Variants in CC2D1B observed in about 807,000 individuals in gnomAD.
The protein encoded by CC2D1B is coiled-coil and C2 domain-containing protein 1B.
CC2D1B carries 92 observed loss-of-function variants against 110.8 expected under a neutral mutation model. The observed-to-expected ratio is 0.83, with a 90% CI of 0.70 to 0.99. The LOEUF (loss-of-function observed/expected upper bound fraction) is 0.99, where lower values mean the gene tolerates loss of function less well. Among genes scored for constraint, CC2D1B ranks in the 50% least tolerant of loss-of-function variants. The pLI is 0.00. For missense variants in CC2D1B, 1,136 were observed against 1,089.0 expected, an observed-to-expected ratio of 1.04 and a Z score of -0.61; for synonymous variants, 406 against 429.2, an observed-to-expected ratio of 0.95 and a Z score of 0.67.
intron 4 of CC2D1B, 101 bp from the exon 5 acceptor site, chr1:52,361,233 AC>A (rs1646776328): frequency 1.4e-6 from 2 of 1,419,950 alleles, no homozygotes; most frequent in East Asian, 4.6e-5. Flanking sequence ...ATATTCCCTA[AC>A]GTCAGTCACT....
At chr1:52,356,780 C>G in intron 16 of CC2D1B, 1 of 603,616 alleles carries the variant, frequency 1.7e-6, no homozygotes, top group Non-Finnish European at 2.9e-6. Flanking sequence ...TTCTTTCCCT[C>G]TTCTCTGTTG....
At chr1:52,358,587 A>G (rs1569849809) in intron 12 of CC2D1B, 99 bp downstream of exon 12, 1 of 1,567,158 alleles carries the variant, frequency 6.4e-7, no homozygotes, top group Non-Finnish European at 8.8e-7. Flanking sequence ...CACAGAGGGG[A>G]GGCAGACGCA....
rs953203841 is a variant in CC2D1B, at chr1:52,352,391, T to A, written c.*834A>T. 6.5e-6 allele frequency: 1 copy of A among 152,680 alleles called. No homozygotes were observed. The highest frequency in any genetic ancestry group is 1.5e-5 in the Non-Finnish European group (1 of 68,046). The allele number at this position is 152,680 out of a possible 1,614,324, so 9.5% of individuals were successfully genotyped here. ...TCAAGAGGAAGCCACAGCAGCCGTT[T>A]GTCATGTTACTGCTACCCTGGCTTT... On this transcript the variant is annotated 3_prime_UTR_variant, in exon 25 of 25. Coordinates refer to ENST00000284376, the MANE Select transcript of CC2D1B (RefSeq NM_001330585.2).
intron 2 of CC2D1B, 55 bp from the exon 3 acceptor site, chr1:52,362,801 C>A: frequency 6.3e-7 from 1 of 1,586,548 alleles, no homozygotes; most frequent in Non-Finnish European, 8.6e-7. Flanking sequence ...TAGGGTCCAG[C>A]TCCAGAGCCA....
In CC2D1B at chr1:52,356,268, G is replaced by A; in HGVS notation, c.1972C>T (p.Leu658=). 2 of 1,614,230 alleles carry A rather than the reference G, an allele frequency of 1.2e-6. No individual in the cohort carries two copies. Among genetic ancestry groups the A allele is most frequent in the South Asian group, 2.2e-5 (2 of 91,086 alleles). The change falls in exon 18 of 25, where the codon CTG becomes TTG. Residue 658 remains leucine (L), a synonymous_variant. Transcript: ENST00000284376. The part of the protein sequence containing the change: ...EKLAQDRKKQ[L]EILQLAQAQG... ...GCCTGGGCCAGCTGCAGGATCTCCAGCTGTTTCTTGCGGTCCTGAGCAAGC... is the reference window on the plus strand; with the variant it reads ...GCCTGGGCCAGCTGCAGGATCTCCAACTGTTTCTTGCGGTCCTGAGCAAGC...
chr1:52,362,582 A>T lies in CC2D1B; in HGVS notation c.214+20T>A. The T allele has an allele frequency of 6.2e-7, 1 of 1,614,072 alleles. No homozygotes were observed. The highest frequency in any genetic ancestry group is 2.2e-5 in the East Asian group (1 of 44,880). ...CCCATCTTGTCCCAGCACCAAGACC[A>T]GCCCTGTGTCCAAACTCACCCTGCC... On this transcript the variant is annotated intron_variant, in intron 3 of 24. Transcript: ENST00000284376.
chr1:52,359,322 C>G lies in CC2D1B; in HGVS notation c.1054G>C (p.Ala352Pro). 1 of 1,613,374 alleles carries G rather than the reference C, an allele frequency of 6.2e-7. No individual in the cohort carries two copies. The highest frequency in any genetic ancestry group is 8.5e-7 in the Non-Finnish European group (1 of 1,179,830). The change falls in exon 10 of 25, where the codon GCA (alanine) becomes CCA (proline). Residue 352 changes from alanine (A) to proline (P), a missense_variant. By Grantham distance (27) the Ala-to-Pro change is conservative (BLOSUM62 -1). Transcript: ENST00000284376. ...KPQQASQAPT[A>P]PSVIPPAVER... ...ACGGCTGGGGGAATGACTGAGGGTG[C>G]TGTGGGAGCCTGAGAAGCCTGCTGG... is the stretch of plus-strand genomic sequence containing the variant.
chr1:52,357,855 C>T lies in CC2D1B; in HGVS notation c.1505G>A (p.Arg502Gln), dbSNP rs777052462. The T allele has an allele frequency of 2.5e-5, 39 of 1,586,610 alleles. 1 individual carries two copies. The highest frequency in any genetic ancestry group is 3.4e-4 in the Middle Eastern group (2 of 5,868). ...AQAPVAKKPARPTVPSSQRLP... is the reference protein window; with the variant it reads ...AQAPVAKKPAQPTVPSSQRLP... ...GCGCTGGGATGAAGGGACTGTGGGC[C>T]GTGCAGGTTTCTTGGCCACTGGGGC... Residue 502 changes from arginine to glutamine, a missense_variant, in exon 14 of 25, where the codon CGG becomes CAG. Physicochemically the swap from Arg to Gln is conservative, Grantham distance 43 (BLOSUM62 1). Coordinates refer to ENST00000284376, the MANE Select transcript of CC2D1B (RefSeq NM_001330585.2).
At chr1:52,361,235 G>C in intron 4 of CC2D1B, 103 bp from the exon 5 acceptor site, 1 of 1,395,470 alleles carries the variant, frequency 7.2e-7, no homozygotes, top group Non-Finnish European at 9.9e-7. Context: ...ATTCCCTAAC[G>C]TCAGTCACTG....
At chr1:52,363,279 C>T (rs1646820495) in intron 2 of CC2D1B, among the ~76,000 whole-genome samples, 1 of 151,784 alleles carries the variant, frequency 6.6e-6, no homozygotes, top group South Asian at 2.1e-4. Context: ...CCTGTAGTCC[C>T]AGCTACTCGG....
At position 52,352,440 on chromosome 1, in the gene CC2D1B, TTTAGA is replaced by T. The variant is rs1338537342; in HGVS notation, c.*780_*784del. 9.8e-5 allele frequency: 15 copies of T among 152,760 alleles called. No individual in the cohort carries two copies. Among genetic ancestry groups the T allele is most frequent in the South Asian group, 4.1e-4 (2 of 4,826 alleles). 9.5% of individuals were successfully genotyped at this position (152,760 alleles called of 1,614,324 possible). A position where few individuals can be genotyped will look rare whatever the true frequency, so the allele number is the denominator to read the frequency against. On this transcript the variant is annotated 3_prime_UTR_variant, in exon 25 of 25. Coordinates refer to ENST00000284376, the MANE Select transcript of CC2D1B (RefSeq NM_001330585.2). ...TTTAAAAAGTGACAGGGAGCAGGAC[TTTAGA>T]TTAGGACTTTGGTGGATACTCTGTA...
At chr1:52,360,318 C>G in intron 6 of CC2D1B, 85 bp from the exon 7 acceptor site, 1 of 1,594,776 alleles carries the variant, frequency 6.3e-7, no homozygotes, top group South Asian at 1.1e-5. Context: ...GGCCCCCCAA[C>G]CCCCAAAGTC....
chr1:52,353,966 T>G, intron 23 of CC2D1B: 1 of 290,618 alleles, frequency 3.4e-6, no homozygotes, highest in Non-Finnish European at 6.5e-6. Flanking sequence ...ACCCAAACCC[T>G]CACTTCACAG....
At chr1:52,358,928 G>T in intron 11 of CC2D1B, 99 bp downstream of exon 11, 2 of 1,530,734 alleles carry the variant, frequency 1.3e-6, no homozygotes, top group Non-Finnish European at 1.8e-6. Context: ...ACAGATGATG[G>T]TTCAGAAAAG....
chr1:52,361,540 TTCCTCCTCC>T lies in CC2D1B; in HGVS notation c.282_290del (p.Glu95_Glu97del). On this transcript the variant is annotated inframe_deletion, in exon 4 of 25. Transcript: ENST00000284376. The stretch of plus-strand genomic sequence containing the variant: ...GCAGCTCTGCATCTTCCTCCAGCCC[TTCCTCCTCC>T]TCCTCCTCCTCCACATCCCGCATAC... The T allele has an allele frequency of 1.2e-6, 2 of 1,608,886 alleles. No homozygotes were observed. The highest frequency in any genetic ancestry group is 1.7e-5 in the Admixed American group (1 of 59,750).
At chr1:52,360,638 G>A (rs1207290786) in intron 5 of CC2D1B, 89 bp from the exon 6 acceptor site, 4 of 1,517,904 alleles carry the variant, frequency 2.6e-6, no homozygotes, top group African/African-American at 1.4e-5. Flanking sequence ...AGAAGATGGA[G>A]CTCTGGGACT....
intron 23 of CC2D1B, chr1:52,353,943 C>G: frequency 3.2e-6 from 1 of 310,632 alleles, no homozygotes; most frequent in East Asian, 7.2e-5. Flanking sequence ...CTTGAAGAAG[C>G]AGCCTTCCAC....
rs1646520202 is a variant in CC2D1B at position 52,350,712 on chromosome 1, GCAGGT to G, written c.*2508_*2512del. On this transcript the variant is annotated 3_prime_UTR_variant, in exon 25 of 25. Transcript: ENST00000284376. The stretch of plus-strand genomic sequence containing the variant: ...TTTGGGTTGTAGCTGGCTCCCAACT[GCAGGT>G]GAGTCACTAATCTCCAATGTTTGGA... The G allele has an allele frequency of 6.6e-6, 1 of 152,200 alleles. No individual in the cohort carries two copies. Among genetic ancestry groups the G allele is most frequent in the Admixed American group, 6.5e-5 (1 of 15,276 alleles). The allele number at this position is 152,200 out of a possible 1,614,324, so 9.4% of individuals were successfully genotyped here. A position where few individuals can be genotyped will look rare whatever the true frequency, so the allele number is the denominator to read the frequency against.
intron 23 of CC2D1B, chr1:52,353,917 C>G: frequency 2.9e-6 from 1 of 345,090 alleles, no homozygotes; most frequent in South Asian, 4.2e-5. Context: ...ACGGCAACTT[C>G]TGGAAGAAAC....
Sources: allele counts gnomAD v4.1 joint callset (sites outside exome capture counted in the v4.1 genomes callset), GRCh38; gene constraint gnomAD v4.1.1; transcripts MANE v1.5; gene names NCBI Gene and HGNC (gene_info 2026-07-23, HGNC 2026-07-21).